NRG1: variants seen among roughly 807,000 people sequenced by gnomAD.
The protein encoded by NRG1 is neuregulin 1, also known as pro-neuregulin-1, membrane-bound isoform.
In NRG1, 18 loss-of-function variants were observed where a neutral mutation model predicts 63.8. That is an observed-to-expected ratio of 0.28 (90% confidence interval 0.19 to 0.42). The LOEUF is 0.42. Ranked by LOEUF, NRG1 falls within the 10% of genes least tolerant of loss-of-function variation. The pLI, the probability that NRG1 is intolerant of heterozygous loss-of-function variation, is 1.00. For missense variants in NRG1, 762 were observed against 814.7 expected (o/e 0.94, Z 0.79); for synonymous variants, 302 against 301.3 (o/e 1.00, Z -0.02).
rs1207925584 is a variant in NRG1 at position 32,459,917 on chromosome 8, C to T, written c.38-135911C>T. ...CAGATCTCAAATTAAATACCACACT[C>T]TCATAGAGGCCTTCTCTCACCTCAG... On this transcript the variant is annotated intron_variant, in intron 1 of 10. Coordinates refer to the NRG1 transcript ENST00000519301. Among the ~76,000 whole-genome samples the T allele has an allele frequency of 6.6e-5, 10 of 152,342 alleles. No homozygotes were observed. The South Asian group carries it at 1.7e-3, about 25-fold the overall frequency.
At chr8:32,085,566 T>G (rs1239257295) in intron 1 of NRG1, among the ~76,000 whole-genome samples, 1 of 152,206 alleles carries the variant, frequency 6.6e-6, no homozygotes, top group Admixed American at 6.5e-5. Context: ...TAAGAATAGT[T>G]TCCTATCTTC....
At chr8:31,793,463 T>G (rs1271482142) in intron 1 of NRG1, among the ~76,000 whole-genome samples, 1 of 152,228 alleles carries the variant, frequency 6.6e-6, no homozygotes. Context: ...AATAACTATT[T>G]TAAAGCAGTT....
intron 1 of NRG1, among the ~76,000 whole-genome samples, chr8:32,066,012 T>G (rs1207684195): frequency 6.6e-6 from 1 of 152,242 alleles, no homozygotes; most frequent in African/African-American, 2.4e-5. Flanking sequence ...TCCTATCCTT[T>G]GCCCACTTTT....
chr8:31,893,503 A>T (rs1287321833), intron 1 of NRG1, among the ~76,000 whole-genome samples: 3 of 151,590 alleles, frequency 2.0e-5, no homozygotes, highest in African/African-American at 7.2e-5. Flanking sequence ...TGTATATTAA[A>T]TATTTATATT....
At chr8:32,443,090 A>G (rs543049460) in intron 1 of NRG1, among the ~76,000 whole-genome samples, 1 of 152,174 alleles carries the variant, frequency 6.6e-6, no homozygotes, top group South Asian at 2.1e-4. Context: ...GGATGCCACC[A>G]TGCCCAGCTA....
chr8:32,690,913 T>G (rs1221560784), intron 5 of NRG1, among the ~76,000 whole-genome samples: 2 of 150,762 alleles, frequency 1.3e-5, no homozygotes, highest in African/African-American at 4.9e-5. Context: ...ACATGGAAAC[T>G]TGGAGATTTT....
At chr8:32,255,799 G>T (rs1849636379) in intron 1 of NRG1, among the ~76,000 whole-genome samples, 1 of 152,194 alleles carries the variant, frequency 6.6e-6, no homozygotes, top group Admixed American at 6.5e-5. Context: ...ATCCTGAAGA[G>T]TGTTTTCCAA....
intron 1 of NRG1, among the ~76,000 whole-genome samples, chr8:31,888,156 C>CA (rs992399757): frequency 1.3e-5 from 2 of 151,652 alleles, no homozygotes; most frequent in Non-Finnish European, 2.9e-5. Context: ...TGTCTATGTA[C>CA]AAAAAGATAG....
At chr8:31,903,475 G>C (rs1162871206) in intron 1 of NRG1, among the ~76,000 whole-genome samples, 1 of 151,906 alleles carries the variant, frequency 6.6e-6, no homozygotes, top group South Asian at 2.1e-4. Flanking sequence ...TCTTCCATGA[G>C]AGGCCCTAAA....
intron 1 of NRG1, among the ~76,000 whole-genome samples, chr8:32,214,002 G>A (rs541794101): frequency 1.3e-5 from 2 of 152,288 alleles, no homozygotes; most frequent in Admixed American, 1.3e-4. Context: ...AAATATATGG[G>A]AAACCTATTG....
At chr8:32,499,411 G>C (rs146928459) in intron 1 of NRG1, among the ~76,000 whole-genome samples, 1 of 152,166 alleles carries the variant, frequency 6.6e-6, no homozygotes, top group Non-Finnish European at 1.5e-5. Context: ...GGCTGGGTGC[G>C]GTAGCTGACA....
intron 4 of NRG1, among the ~76,000 whole-genome samples, chr8:32,615,342 A>G (rs1457780927): frequency 6.6e-6 from 1 of 152,130 alleles, no homozygotes; most frequent in Non-Finnish European, 1.5e-5. Context: ...AAGATTGGAA[A>G]TTCATCTCAG....
chr8:32,703,898 G>C (rs1430255163), intron 5 of NRG1, among the ~76,000 whole-genome samples: 1 of 152,148 alleles, frequency 6.6e-6, no homozygotes. Context: ...CTGCTAAAGA[G>C]GTCTTTGCCA....
intron 1 of NRG1, among the ~76,000 whole-genome samples, chr8:31,904,304 G>C (rs995330832): frequency 4.6e-5 from 7 of 152,170 alleles, no homozygotes; most frequent in South Asian, 2.1e-4. Flanking sequence ...GAGAGTTAGA[G>C]AGTAGCTATC....
At chr8:31,891,463 C>A (rs1255681617) in intron 1 of NRG1, among the ~76,000 whole-genome samples, 1 of 152,002 alleles carries the variant, frequency 6.6e-6, no homozygotes, top group Non-Finnish European at 1.5e-5. Context: ...ATCAAAATGG[C>A]TAAAATAAAA....
chr8:32,091,009 G>A lies in NRG1; in HGVS notation c.37+451578G>A, dbSNP rs555444561. Reference sequence around the variant, plus strand: ...AGATGAAGGAATTGGGCCGGGCGCGGTGGCTCACACCTGTAATCCCAGAAC... The same window carrying A: ...AGATGAAGGAATTGGGCCGGGCGCGATGGCTCACACCTGTAATCCCAGAAC... On this transcript the variant is annotated intron_variant, in intron 1 of 10. Coordinates refer to the NRG1 transcript ENST00000519301. Among the ~76,000 whole-genome samples, 3 of 152,326 alleles carry A rather than the reference G, an allele frequency of 2.0e-5. No individual in the cohort carries two copies. In the South Asian group the frequency reaches 6.2e-4, roughly 32 times the overall value.
intron 1 of NRG1, among the ~76,000 whole-genome samples, chr8:31,812,258 C>T (rs1822962234): frequency 6.6e-6 from 1 of 152,134 alleles, no homozygotes; most frequent in Non-Finnish European, 1.5e-5. Context: ...AAATGCTAGC[C>T]TGTATGAGGG....
chr8:32,654,836 G>T (rs935705791), intron 5 of NRG1, among the ~76,000 whole-genome samples: 6 of 152,094 alleles, frequency 3.9e-5, no homozygotes, highest in Non-Finnish European at 8.8e-5. Context: ...GGAGATTTAT[G>T]TTCCTAGCAG....
intron 1 of NRG1, among the ~76,000 whole-genome samples, chr8:32,407,683 A>G (rs1293044746): frequency 6.6e-6 from 1 of 152,160 alleles, no homozygotes; most frequent in Non-Finnish European, 1.5e-5. Flanking sequence ...CAACACTGCC[A>G]TACACAGCCT....
Sources: gnomAD v4.1 joint callset for allele counts (sites outside exome capture counted in the v4.1 genomes callset) on GRCh38, gnomAD v4.1.1 for gene constraint, MANE v1.5 for transcripts, NCBI Gene and HGNC (gene_info 2026-07-23, HGNC 2026-07-21) for gene names.